GAK: variants seen among roughly 807,000 people sequenced by gnomAD.
The protein encoded by GAK is cyclin-G-associated kinase.
A neutral mutation model predicts 143.9 loss-of-function variants in GAK; 79 were observed. The observed-to-expected ratio is 0.55, with a 90% CI of 0.46 to 0.66. The LOEUF is 0.66. Ranked by LOEUF, GAK falls within the 30% of genes least tolerant of loss-of-function variation. The probability of loss-of-function intolerance (pLI) is 0.00; values close to 1 mark genes in which losing one functional copy is unlikely to be tolerated. For synonymous variants in GAK, 881 were observed against 765.5 expected (o/e 1.15, Z -2.49); for missense variants, 1,693 against 1,779.7 (o/e 0.95, Z 0.88).
At position 909,131 on chromosome 4, in the gene GAK, G is replaced by GCCA. The variant is rs1364306702; in HGVS notation, c.382+2539_382+2541dup. On this transcript the variant is annotated intron_variant, in intron 4 of 27. Transcript: ENST00000314167. ...CAAAGTGCTAGGATTACAGGCGTGAGCCACCGTGCCTGGCCTAACTCTGTG... is the reference window on the plus strand; with the variant it reads ...CAAAGTGCTAGGATTACAGGCGTGAGCCACCACCGTGCCTGGCCTAACTCTGTG... 3.3e-5 allele frequency among the ~76,000 whole-genome samples: 5 copies of GCCA among 152,266 alleles called. No homozygotes were observed. The South Asian group carries it at 8.3e-4, about 25-fold the overall frequency.
intron 1 of GAK, among the ~76,000 whole-genome samples, chr4:917,690 T>C (rs1357797128): frequency 2.0e-5 from 3 of 152,032 alleles, no homozygotes; most frequent in Non-Finnish European, 4.4e-5. Context: ...CTGACGCACA[T>C]GTTTGCTGCC....
At chr4:873,821 G>A (rs943503142) in intron 18 of GAK, among the ~76,000 whole-genome samples, 1 of 152,170 alleles carries the variant, frequency 6.6e-6, no homozygotes, top group Admixed American at 6.5e-5. Flanking sequence ...ATAGACTTGA[G>A]TTTTGTGTGA....
chr4:881,787 G>A, intron 15 of GAK, 120 bp downstream of exon 15: 1 of 1,265,640 alleles, frequency 7.9e-7, no homozygotes, highest in Non-Finnish European at 1.1e-6. Flanking sequence ...GGCCGGGCCT[G>A]CCTTTCCCAC....
In GAK at chr4:932,302, C is replaced by G. The variant is rs1726034251; in HGVS notation, c.-115G>C. On this transcript the variant is annotated 5_prime_UTR_variant, in exon 1 of 28. Transcript: ENST00000314167. The surrounding 1 kb of genome is among the most constrained non-coding windows in gnomAD (Gnocchi z 4.0). ...GGCCCGGAGGTGCACCATCTTCCGC[C>G]TCGACGCCGTGACGTAGGCGCCCGT... 2 of 1,382,326 alleles carry G rather than the reference C, an allele frequency of 1.4e-6. No individual in the cohort carries two copies. The highest frequency in any genetic ancestry group is 7.4e-5 in the Admixed American group (2 of 27,160). The allele number at this position is 1,382,326 out of a possible 1,614,324, so 85.6% of individuals were successfully genotyped here.
At chr4:861,070 A>G (rs1406349479) in intron 23 of GAK, among the ~76,000 whole-genome samples, 1 of 152,162 alleles carries the variant, frequency 6.6e-6, no homozygotes, top group Non-Finnish European at 1.5e-5. Context: ...TGCCCATAGA[A>G]GACGGCGAGC....
chr4:908,269 A>G lies in GAK; in HGVS notation c.382+3404T>C, dbSNP rs181657941. Among the ~76,000 whole-genome samples the G allele has an allele frequency of 4.6e-3, 701 of 152,314 alleles. 8 individuals carry two copies. The highest frequency in any genetic ancestry group is 0.016 in the African/African-American group (672 of 41,582). On this transcript the variant is annotated intron_variant, in intron 4 of 27. Coordinates refer to ENST00000314167, the MANE Select transcript of GAK (RefSeq NM_005255.4). ...AAGGCTCACACAGCAGGCAGGCTGCAGCTCCAGGAGAAAGCCCGCAGGCCT... is the reference window on the plus strand; with the variant it reads ...AAGGCTCACACAGCAGGCAGGCTGCGGCTCCAGGAGAAAGCCCGCAGGCCT...
chr4:870,681 G>T, intron 19 of GAK, 30 bp downstream of exon 19: 1 of 1,607,860 alleles, frequency 6.2e-7, no homozygotes, highest in African/African-American at 1.3e-5. Context: ...ACCAGAACAG[G>T]GTTCACCTAA....
intron 19 of GAK, 165 bp from the exon 20 acceptor site, chr4:868,850 A>T (rs1289881117): frequency 1.2e-5 from 8 of 678,058 alleles, no homozygotes; most frequent in Non-Finnish European, 1.7e-5. Flanking sequence ...CTCTGAACAG[A>T]TTCCTGCTAT....
At chr4:870,122 C>T (rs973558048) in intron 19 of GAK, among the ~76,000 whole-genome samples, 4 of 152,186 alleles carry the variant, frequency 2.6e-5, no homozygotes, top group African/African-American at 7.2e-5. Flanking sequence ...ACACCACCCA[C>T]GGACACATAC....
chr4:849,717 C>T lies in GAK; in HGVS notation c.3892G>A (p.Ala1298Thr), dbSNP rs1488642234. Residue 1298 changes from alanine (A) to threonine (T), a missense_variant, in exon 28 of 28, where the codon GCC becomes ACC. By Grantham distance (58) the Ala-to-Thr change is moderately conservative (BLOSUM62 0). Around this residue, in one of 2 missense-constraint regions of GAK, gnomAD observed 822 missense variants for 788.7 expected, o/e 1.04. Transcript: ENST00000314167. ...CCCTGGTTCTCAAACTCCGACCAGG[C>T]GTCATTCAGCTCCATGAAGATCATC... Reference protein sequence around the residue: ...AKMIFMELNDAWSEFENQGSR... With the variant: ...AKMIFMELNDTWSEFENQGSR... 6 of 1,613,434 alleles carry T rather than the reference C, an allele frequency of 3.7e-6. No individual in the cohort carries two copies. The highest frequency in any genetic ancestry group is 1.7e-5 in the Admixed American group (1 of 59,958).
At chr4:900,983 C>T (rs926394428) in intron 5 of GAK, among the ~76,000 whole-genome samples, 5 of 152,176 alleles carry the variant, frequency 3.3e-5, no homozygotes, top group African/African-American at 4.8e-5. Flanking sequence ...TCTGTCCAGT[C>T]GGCCACCTTA....
intron 24 of GAK, among the ~76,000 whole-genome samples, chr4:854,306 A>T (rs1396288799): frequency 6.6e-6 from 1 of 151,516 alleles, no homozygotes; most frequent in Non-Finnish European, 1.5e-5. Context: ...TTTGTTTTTG[A>T]CTGTATTTTT....
chr4:894,123 T>C, intron 7 of GAK, 114 bp from the exon 8 acceptor site: 3 of 1,218,098 alleles, frequency 2.5e-6, no homozygotes, highest in Non-Finnish European at 2.2e-6. Context: ...AGGGGTGACA[T>C]CGGAGCCGTG....
In GAK at chr4:904,735, G is replaced by T. The variant is rs922219952; in HGVS notation, c.427C>A (p.Leu143Ile). 1.2e-6 allele frequency: 2 copies of T among 1,614,054 alleles called. No homozygotes were observed. The highest frequency in any genetic ancestry group is 2.7e-5 in the African/African-American group (2 of 74,950). ...ATCTTCAGAACCGTGTCGCACGAAA[G>T]GGGGCCTCGAGATTCCATTTTCTTC... Reference protein sequence around the residue: ...FLKKMESRGPLSCDTVLKIFY... With the variant: ...FLKKMESRGPISCDTVLKIFY... The change falls in exon 5 of 28, where the codon CTT (leucine) becomes ATT (isoleucine). Residue 143 changes from leucine to isoleucine, a missense_variant. This residue lies in a region of GAK where 871 missense variants were observed against 991.0 expected (regional missense o/e 0.88). Coordinates refer to ENST00000314167, the MANE Select transcript of GAK (RefSeq NM_005255.4).
chr4:878,783 T>C (rs1714509200), intron 15 of GAK, among the ~76,000 whole-genome samples: 1 of 152,252 alleles, frequency 6.6e-6, no homozygotes, highest in Non-Finnish European at 1.5e-5. Context: ...GTGGTGCCTC[T>C]GTGGAGCATA....
Position 865,140 on chromosome 4 carries a change from G to T in GAK, c.3148C>A (p.Pro1050Thr). 1 of 1,610,046 alleles carries T rather than the reference G, an allele frequency of 6.2e-7. No homozygotes were observed. ...WTETAASAVA[P>T]TPATEGPLFS... ...GCCATACCTTCTGTGGCTGGCGTGGGGGCCACTGCCGATGCTGCAGTCTCG... is the reference window on the plus strand; with the variant it reads ...GCCATACCTTCTGTGGCTGGCGTGGTGGCCACTGCCGATGCTGCAGTCTCG... Residue 1050 changes from proline (P) to threonine (T), a missense_variant, in exon 23 of 28, where the codon CCC becomes ACC. Pro to Thr is a conservative substitution (Grantham distance 38). Coordinates refer to ENST00000314167, the MANE Select transcript of GAK (RefSeq NM_005255.4).
chr4:866,928 C>T (rs1308817108), intron 21 of GAK, 28 bp downstream of exon 21: 2 of 1,427,238 alleles, frequency 1.4e-6, no homozygotes, highest in African/African-American at 1.4e-5. Flanking sequence ...ACTGTGAAGC[C>T]ACTCGCCTTC....
At chr4:928,230 G>C (rs1166109802) in intron 1 of GAK, among the ~76,000 whole-genome samples, 1 of 152,148 alleles carries the variant, frequency 6.6e-6, no homozygotes, top group African/African-American at 2.4e-5. Context: ...GCTAGTTTTT[G>C]TATTTTCAGT....
intron 23 of GAK, among the ~76,000 whole-genome samples, chr4:862,530 C>T (rs1265807973): frequency 1.3e-5 from 2 of 151,908 alleles, no homozygotes; most frequent in African/African-American, 4.8e-5. Flanking sequence ...TGGTGGCAGG[C>T]GCCTGTAGTC....
Sources: gnomAD v4.1 joint callset for allele counts (sites outside exome capture counted in the v4.1 genomes callset) on GRCh38, gnomAD v4.1.1 for gene constraint, gnomAD v4.1.1 regional missense constraint, Gnocchi (gnomAD v3.1) non-coding constraint, MANE v1.5 for transcripts, NCBI Gene and HGNC (gene_info 2026-07-23, HGNC 2026-07-21) for gene names.